The following RASGRF1 variants were observed in gnomAD, a reference collection of about 807,000 sequenced individuals.
The protein encoded by RASGRF1 is ras-specific guanine nucleotide-releasing factor 1.
A neutral mutation model predicts 138.7 loss-of-function variants in RASGRF1; 40 were observed. That is an observed-to-expected ratio of 0.29 (90% confidence interval 0.22 to 0.38). RASGRF1 has a LOEUF of 0.38. Among genes scored for constraint, RASGRF1 ranks in the 10% least tolerant of loss-of-function variants. The pLI, the probability that RASGRF1 is intolerant of heterozygous loss-of-function variation, is 1.00. For synonymous variants in RASGRF1, 614 were observed against 663.2 expected (o/e 0.93, Z 1.14); for missense variants, 1,108 against 1,650.4 (o/e 0.67, Z 5.69).
chr15:79,049,497 T>C lies in RASGRF1; in HGVS notation c.623A>G (p.Lys208Arg). 1.2e-6 allele frequency: 2 copies of C among 1,613,780 alleles called. No homozygotes were observed. The highest frequency in any genetic ancestry group is 2.2e-5 in the East Asian group (1 of 44,860). Reference protein sequence around the residue: ...DEDSDIKKIKKVQSFLRGWLC... With the variant: ...DEDSDIKKIKRVQSFLRGWLC... ...GCCACCCAGAGGGATAGCACTGACC[T>C]TCTTAATTTTCTTGATGTCGCTGTC... Residue 208 changes from lysine (K) to arginine (R), a missense_variant and splice_region_variant, in exon 4 of 27, where the codon AAG (lysine) becomes AGG (arginine). Lys to Arg is a conservative substitution (Grantham distance 26). Transcript: ENST00000558480.
intron 1 of RASGRF1, among the ~76,000 whole-genome samples, chr15:79,070,301 T>A (rs533527084): frequency 1.2e-4 from 19 of 152,282 alleles, no homozygotes; most frequent in Non-Finnish European, 2.4e-4. Flanking sequence ...ACCTAGCCCC[T>A]ACCTGGGCAG....
intron 3 of RASGRF1, among the ~76,000 whole-genome samples, chr15:79,055,578 A>T (rs557646953): frequency 6.6e-6 from 1 of 150,952 alleles, no homozygotes; most frequent in East Asian, 1.9e-4. Flanking sequence ...TGAGACACAC[A>T]CACACACACA....
At chr15:79,025,975 T>C (rs1486833215) in intron 9 of RASGRF1, among the ~76,000 whole-genome samples, 1 of 149,212 alleles carries the variant, frequency 6.7e-6, no homozygotes, top group Non-Finnish European at 1.5e-5. Flanking sequence ...TCCACAGCCA[T>C]GGCAGGCATC....
intron 10 of RASGRF1, 41 bp from the exon 11 acceptor site, chr15:79,020,145 G>A: frequency 6.3e-7 from 1 of 1,596,030 alleles, no homozygotes; most frequent in Non-Finnish European, 8.6e-7. Context: ...TTGAGGGGTA[G>A]ATATGCTGGT....
rs1418858334 is a variant in RASGRF1, at chr15:79,046,480, C to G, written c.878+266G>C. Among the ~76,000 whole-genome samples the G allele has an allele frequency of 2.0e-5, 3 of 152,234 alleles. No individual in the cohort carries two copies. The highest frequency in any genetic ancestry group is 7.2e-5 in the African/African-American group (3 of 41,458). ...CAATCAACAATGTTTCCAAACATTC[C>G]TAAGTGTTCCCCACGGAGCAAAACT... On this transcript the variant is annotated intron_variant, in intron 5 of 26. Coordinates refer to ENST00000558480, the MANE Select transcript of RASGRF1 (RefSeq NM_001145648.3). The surrounding 1 kb of genome is among the most constrained non-coding windows in gnomAD (Gnocchi z 5.3).
chr15:79,090,566 G>A lies in RASGRF1; in HGVS notation c.-68C>T. ...CCGCGCAGCAGCCCCCCGTCCGTGCGCGCTGCGCGCTGCCTCTCTCTGGCG... is the reference window on the plus strand; with the variant it reads ...CCGCGCAGCAGCCCCCCGTCCGTGCACGCTGCGCGCTGCCTCTCTCTGGCG... On this transcript the variant is annotated 5_prime_UTR_variant, in exon 1 of 27. Transcript: ENST00000558480. 3.2e-6 allele frequency: 5 copies of A among 1,561,692 alleles called. No homozygotes were observed. Among genetic ancestry groups the A allele is most frequent in the South Asian group, 2.4e-5 (2 of 85,004 alleles).
chr15:79,044,836 C>A (rs2057337865), intron 5 of RASGRF1, among the ~76,000 whole-genome samples: 1 of 152,270 alleles, frequency 6.6e-6, no homozygotes, highest in East Asian at 1.9e-4. Flanking sequence ...AAATATAAAA[C>A]CATGTTGTGA....
chr15:79,031,284 C>A, intron 8 of RASGRF1, 116 bp downstream of exon 8: 4 of 807,156 alleles, frequency 5.0e-6, no homozygotes, highest in Non-Finnish European at 7.9e-6. Context: ...TGTGCCCCTC[C>A]CTTACAATCC....
Position 79,089,370 on chromosome 15 carries a change from C to T in RASGRF1, c.276+853G>A, listed in dbSNP as rs546528634. 2.0e-5 allele frequency among the ~76,000 whole-genome samples: 3 copies of T among 152,380 alleles called. No homozygotes were observed. In the South Asian group the frequency reaches 6.2e-4, roughly 32 times the overall value. On this transcript the variant is annotated intron_variant, in intron 1 of 26. Transcript: ENST00000558480. ...GTGGCTCTCTCTGCAGGTGCCCCTC[C>T]TCCCTTCACGCCAGAGGCTCACCCC...
chr15:78,996,261 G>A (rs764374447), intron 19 of RASGRF1, among the ~76,000 whole-genome samples: 1 of 152,206 alleles, frequency 6.6e-6, no homozygotes, highest in Non-Finnish European at 1.5e-5. Context: ...GATGGAATTG[G>A]GAGAGCAGAG....
chr15:79,048,928 C>G (rs1352771060), intron 4 of RASGRF1, among the ~76,000 whole-genome samples: 8 of 152,250 alleles, frequency 5.3e-5, no homozygotes, highest in Admixed American at 5.2e-4. Flanking sequence ...CACACCACCA[C>G]AGGGTGGCCC....
At chr15:78,989,060 C>T (rs977895652) in intron 22 of RASGRF1, among the ~76,000 whole-genome samples, 1 of 152,096 alleles carries the variant, frequency 6.6e-6, no homozygotes, top group African/African-American at 2.4e-5. Flanking sequence ...AAGGTAGGCA[C>T]CCGGTTAGGG....
intron 13 of RASGRF1, among the ~76,000 whole-genome samples, chr15:79,012,332 C>T (rs1386320408): frequency 2.0e-5 from 3 of 152,232 alleles, no homozygotes; most frequent in East Asian, 1.9e-4. Context: ...AGAAACCATC[C>T]TCAACTGTGC....
chr15:79,024,306 T>TAC (rs1215601777), intron 10 of RASGRF1, among the ~76,000 whole-genome samples: 22 of 149,986 alleles, frequency 1.5e-4, no homozygotes, highest in African/African-American at 4.9e-4. Context: ...CCATATACCA[T>TAC]ACACACACAC....
chr15:79,087,446 G>A (rs2057996184), intron 1 of RASGRF1, among the ~76,000 whole-genome samples: 1 of 152,234 alleles, frequency 6.6e-6, no homozygotes, highest in African/African-American at 2.4e-5. Flanking sequence ...CTTCAGGGAG[G>A]AAGCTGTCTG....
intron 7 of RASGRF1, 71 bp from the exon 8 acceptor site, chr15:79,031,580 C>A: frequency 1.1e-5 from 9 of 809,600 alleles, no homozygotes; most frequent in Non-Finnish European, 1.7e-5. Flanking sequence ...AAGGCAGGGG[C>A]AGACAGGGAG....
chr15:78,976,846 T>A (rs2055883040), intron 24 of RASGRF1, among the ~76,000 whole-genome samples: 1 of 152,254 alleles, frequency 6.6e-6, no homozygotes, highest in Non-Finnish European at 1.5e-5. Flanking sequence ...GCAGAGCTGA[T>A]ACGGGGGTGG....
At chr15:79,002,888 C>A (rs1308512671) in intron 15 of RASGRF1, among the ~76,000 whole-genome samples, 1 of 152,256 alleles carries the variant, frequency 6.6e-6, no homozygotes, top group African/African-American at 2.4e-5. Context: ...TCAAAGGCCT[C>A]CTCCTCAAAG....
rs2056375157 is a variant in RASGRF1, at chr15:78,995,619, T to C, written c.3027+121A>G. 9.9e-6 allele frequency: 12 copies of C among 1,208,538 alleles called. No individual in the cohort carries two copies. In the South Asian group the frequency reaches 1.4e-4, roughly 14 times the overall value. The allele number at this position is 1,208,538 out of a possible 1,614,324, so 74.9% of individuals were successfully genotyped here. A position where few individuals can be genotyped will look rare whatever the true frequency, so the allele number is the denominator to read the frequency against. On this transcript the variant is annotated intron_variant, in intron 20 of 26. Coordinates refer to ENST00000558480, the MANE Select transcript of RASGRF1 (RefSeq NM_001145648.3). The stretch of plus-strand genomic sequence containing the variant: ...CTGTTGTTTTAAGCCGCCCAGTTTG[T>C]GGTATTTTTTCACAACAGCCACAGA...
Sources: allele counts gnomAD v4.1 joint callset (sites outside exome capture counted in the v4.1 genomes callset), GRCh38; gene constraint gnomAD v4.1.1; non-coding constraint Gnocchi (gnomAD v3.1); transcripts MANE v1.5; gene names NCBI Gene and HGNC (gene_info 2026-07-23, HGNC 2026-07-21).